EDAR: variants seen among roughly 807,000 people sequenced by gnomAD.
EDAR encodes the protein ectodysplasin A receptor, also known as tumor necrosis factor receptor superfamily member EDAR.
A neutral mutation model predicts 51.3 loss-of-function variants in EDAR; 38 were observed. That is an observed-to-expected ratio of 0.74 (90% CI 0.57 to 0.97). The LOEUF is 0.97. EDAR is among the 50% of genes least tolerant of loss of function. The pLI is 0.00. For synonymous variants in EDAR, 227 were observed against 242.1 expected (o/e 0.94, Z 0.58); for missense variants, 528 against 595.0 (o/e 0.89, Z 1.17).
rs147631291 is a variant in EDAR, at chr2:108,919,738, G to A, written c.442+3630C>T. Among the ~76,000 whole-genome samples the A allele has an allele frequency of 3.1e-3, 477 of 152,260 alleles. 5 individuals carry two copies. The highest frequency in any genetic ancestry group is 0.011 in the African/African-American group (457 of 41,536). ...GCCTTCTCGGGTTTGAACTGTAGCC[G>A]GGCCAGAGCCGGCAGTGTAGGTCAG... is the stretch of plus-strand genomic sequence containing the variant. On this transcript the variant is annotated intron_variant, in intron 5 of 11. Transcript: ENST00000258443.
Position 108,984,805 on chromosome 2 carries a change from T to C in EDAR, c.-19+4155A>G, listed in dbSNP as rs115477877. Among the ~76,000 whole-genome samples, 1,079 of 152,270 alleles carry C rather than the reference T, an allele frequency of 7.1e-3. 9 individuals carry two copies. The highest frequency in any genetic ancestry group is 0.028 in the South Asian group (133 of 4,816). The stretch of plus-strand genomic sequence containing the variant: ...CTCACCCATGGGACCACTGTGTTAC[T>C]CACTACATCCCAGCATGGTGCCTGG... On this transcript the variant is annotated intron_variant, in intron 1 of 11. Transcript: ENST00000258443.
At chr2:108,973,649 C>A (rs1698272684) in intron 1 of EDAR, among the ~76,000 whole-genome samples, 2 of 152,186 alleles carry the variant, frequency 1.3e-5, no homozygotes, top group South Asian at 4.1e-4. Context: ...ATGCACTTTC[C>A]AGGGGTCGTG....
chr2:108,971,833 G>A (rs570089865), intron 1 of EDAR, among the ~76,000 whole-genome samples: 47 of 152,296 alleles, frequency 3.1e-4, no homozygotes, highest in African/African-American at 9.6e-4. Context: ...TTAGTGACTC[G>A]TTTCTAGCCA....
intron 1 of EDAR, among the ~76,000 whole-genome samples, chr2:108,987,756 T>G (rs1310796431): frequency 1.3e-5 from 2 of 152,162 alleles, no homozygotes; most frequent in Non-Finnish European, 2.9e-5. Context: ...TTCCCAGCCG[T>G]GAAGGGTACA....
chr2:108,918,108 C>T (rs563097807), intron 5 of EDAR, among the ~76,000 whole-genome samples: 7 of 152,304 alleles, frequency 4.6e-5, no homozygotes, highest in African/African-American at 9.6e-5. Flanking sequence ...GAAAAGAGAG[C>T]GGTCTGGGCT....
chr2:108,960,030 C>G (rs377270208), intron 1 of EDAR, among the ~76,000 whole-genome samples: 1 of 152,166 alleles, frequency 6.6e-6, no homozygotes, highest in Admixed American at 6.5e-5. Context: ...AACGTGGCCA[C>G]GGTGGCTCTG....
At chr2:108,981,036 G>A (rs1385592660) in intron 1 of EDAR, among the ~76,000 whole-genome samples, 1 of 152,202 alleles carries the variant, frequency 6.6e-6, no homozygotes, top group Non-Finnish European at 1.5e-5. Context: ...GCCCGTGAGT[G>A]CATACAGAGC....
intron 5 of EDAR, among the ~76,000 whole-genome samples, chr2:108,920,181 G>T (rs939601226): frequency 6.6e-5 from 10 of 152,350 alleles, no homozygotes; most frequent in African/African-American, 2.4e-4. Flanking sequence ...GGGCTGGGAT[G>T]CTTCATCTCT....
In EDAR at chr2:108,976,793, A is replaced by AT. The variant is rs199716452; in HGVS notation, c.-19+12166dup. ...TTGTGTGTCCCTTAGACATACTACCATTTTTTTTTCTTTTTCTTCTTTTTC... is the reference window on the plus strand; with the variant it reads ...TTGTGTGTCCCTTAGACATACTACCATTTTTTTTTTCTTTTTCTTCTTTTTC... On this transcript the variant is annotated intron_variant, in intron 1 of 11. Coordinates refer to ENST00000258443, the MANE Select transcript of EDAR (RefSeq NM_022336.4). 1.2e-3 allele frequency among the ~76,000 whole-genome samples: 181 copies of AT among 151,022 alleles called. 1 individual carries two copies. The highest frequency in any genetic ancestry group is 3.7e-3 in the African/African-American group (153 of 41,158).
At chr2:108,903,440 GA>G (rs945130678) in intron 11 of EDAR, among the ~76,000 whole-genome samples, 9 of 149,352 alleles carry the variant, frequency 6.0e-5, no homozygotes, top group Non-Finnish European at 1.2e-4. Flanking sequence ...AAAGATTTTT[GA>G]AAAAAAAATA....
intron 11 of EDAR, among the ~76,000 whole-genome samples, chr2:108,898,587 TAAA>T (rs991258540): frequency 6.6e-6 from 1 of 151,426 alleles, no homozygotes; most frequent in Admixed American, 6.6e-5. Context: ...GTCAAATGAG[TAAA>T]AAAAGAAAAT....
intron 1 of EDAR, among the ~76,000 whole-genome samples, chr2:108,941,614 A>C (rs1197664700): frequency 2.6e-5 from 4 of 152,102 alleles, no homozygotes; most frequent in East Asian, 1.9e-4. Flanking sequence ...GAGAAGAAAA[A>C]CGATCTCCTT....
At chr2:108,910,878 C>T (rs1696916223) in intron 7 of EDAR, 28 bp from the exon 8 acceptor site, 5 of 1,613,962 alleles carry the variant, frequency 3.1e-6, no homozygotes, top group Non-Finnish European at 4.2e-6. Context: ...AGTGAGCAGC[C>T]AGGCTCTCCG....
chr2:108,960,500 G>A (rs1698017581), intron 1 of EDAR, among the ~76,000 whole-genome samples: 1 of 152,192 alleles, frequency 6.6e-6, no homozygotes, highest in Non-Finnish European at 1.5e-5. Flanking sequence ...GGGGCATGAG[G>A]AGCCAGGGCA....
At chr2:108,959,716 T>C (rs1340843428) in intron 1 of EDAR, among the ~76,000 whole-genome samples, 1 of 152,060 alleles carries the variant, frequency 6.6e-6, no homozygotes, top group African/African-American at 2.4e-5. Context: ...GATTTCGCCT[T>C]TCCCCAGCGT....
intron 1 of EDAR, among the ~76,000 whole-genome samples, chr2:108,952,118 T>C (rs1200699548): frequency 2.0e-5 from 3 of 152,226 alleles, no homozygotes; most frequent in African/African-American, 4.8e-5. Context: ...GTTAGGCACA[T>C]TGAAGAAGGT....
intron 9 of EDAR, 151 bp from the exon 10 acceptor site, chr2:108,908,170 C>A (rs1011284866): frequency 3.6e-6 from 3 of 835,314 alleles, no homozygotes; most frequent in Non-Finnish European, 3.7e-6. Flanking sequence ...CTTGTGGGCA[C>A]GGGACCAGGG....
At chr2:108,965,880 CCT>C (rs1050678800) in intron 1 of EDAR, among the ~76,000 whole-genome samples, 13 of 151,982 alleles carry the variant, frequency 8.6e-5, no homozygotes, top group African/African-American at 3.1e-4. Flanking sequence ...TGTGCTCCCC[CCT>C]CTCCCCCCAG....
chr2:108,907,998 C>T lies in EDAR; in HGVS notation c.825G>A (p.Glu275=). Residue 275 remains glutamate, a synonymous_variant, in exon 10 of 12, where the codon GAG becomes GAA. Transcript: ENST00000258443. The part of the protein sequence containing the change: ...PTKSENDASS[E]NEQLLSRSVD... ...CGCTCCGGCTCAGCAGCTGCTCATT[C>T]TCGGATGAGGCATCGTTCTCGCTGC... is the stretch of plus-strand genomic sequence containing the variant. The T allele has an allele frequency of 6.2e-7, 1 of 1,610,312 alleles. No individual in the cohort carries two copies.
Sources: gnomAD v4.1 joint callset for allele counts (sites outside exome capture counted in the v4.1 genomes callset) on GRCh38, gnomAD v4.1.1 for gene constraint, MANE v1.5 for transcripts, NCBI Gene and HGNC (gene_info 2026-07-23, HGNC 2026-07-21) for gene names.